The following TCF7L2 variants were observed in gnomAD, a reference collection of about 807,000 sequenced individuals.
The protein encoded by TCF7L2 is transcription factor 7-like 2.
Under a neutral mutation model 77.9 loss-of-function variants are expected in TCF7L2, and 23 were observed. The ratio of observed to expected loss-of-function variants is 0.30; its 90% CI spans 0.21 to 0.42. TCF7L2 has a LOEUF of 0.42. TCF7L2 is among the 10% of genes least tolerant of loss of function. The probability of loss-of-function intolerance (pLI) is 1.00; values close to 1 mark genes in which losing one functional copy is unlikely to be tolerated. For synonymous variants in TCF7L2, 413 were observed against 340.2 expected, an observed-to-expected ratio of 1.21 and a Z score of -2.36; for missense variants, 654 against 793.1, an observed-to-expected ratio of 0.82 and a Z score of 2.11.
intron 4 of TCF7L2, among the ~76,000 whole-genome samples, chr10:113,039,418 G>T (rs567503189): frequency 1.3e-5 from 2 of 152,316 alleles, no homozygotes; most frequent in South Asian, 2.1e-4. Flanking sequence ...TATACATTGT[G>T]TCTGGCCCTG....
chr10:113,030,910 T>G (rs1319315354), intron 4 of TCF7L2, among the ~76,000 whole-genome samples: 1 of 152,194 alleles, frequency 6.6e-6, no homozygotes, highest in African/African-American at 2.4e-5. Context: ...GGGCCTCTTT[T>G]GGTCACTATG....
chr10:113,024,060 G>A (rs540142526), intron 4 of TCF7L2, among the ~76,000 whole-genome samples: 22 of 152,044 alleles, frequency 1.4e-4, no homozygotes, highest in African/African-American at 5.1e-4. Context: ...CACTCTGGGA[G>A]GCCAAGGCGA....
At chr10:113,047,556 T>C (rs898115533) in intron 5 of TCF7L2, among the ~76,000 whole-genome samples, 1 of 152,218 alleles carries the variant, frequency 6.6e-6, no homozygotes, top group Non-Finnish European at 1.5e-5. Context: ...TTTAGGTACC[T>C]TAGCCCCTGA....
intron 5 of TCF7L2, among the ~76,000 whole-genome samples, chr10:113,052,615 GGCTCAGCTGGCCTGATGTATCCCACTTT>G (rs1292790316): frequency 6.6e-6 from 1 of 152,234 alleles, no homozygotes. Context: ...GCTGGACTGT[GGCTCAGCTGGCCTGATGTATCCCACTTT>G]GTTCCTCCCA....
In TCF7L2 at chr10:113,114,929, C is replaced by T. The variant is rs139522156; in HGVS notation, c.553-26255C>T. Among the ~76,000 whole-genome samples, 1,131 of 152,242 alleles carry T rather than the reference C, an allele frequency of 7.4e-3. 6 individuals carry two copies. The highest frequency in any genetic ancestry group is 0.013 in the Non-Finnish European group (864 of 68,016). ...TGAAATGAAAGTAGGAAATAGGTAC[C>T]GTCCAGTAAATCTTAATTAAGTTAT... is the stretch of plus-strand genomic sequence containing the variant. On this transcript the variant is annotated intron_variant, in intron 5 of 13. Transcript: ENST00000627217.
At chr10:113,007,168 G>A (rs961303726) in intron 4 of TCF7L2, among the ~76,000 whole-genome samples, 2 of 152,232 alleles carry the variant, frequency 1.3e-5, no homozygotes, top group African/African-American at 4.8e-5. Flanking sequence ...TGTGAGAGAA[G>A]GATCATGGGG....
chr10:113,023,408 C>T (rs1028918679), intron 4 of TCF7L2, among the ~76,000 whole-genome samples: 1 of 152,116 alleles, frequency 6.6e-6, no homozygotes, highest in African/African-American at 2.4e-5. Context: ...AAGGCAAAGC[C>T]CCTTTTCAAG....
intron 4 of TCF7L2, among the ~76,000 whole-genome samples, chr10:113,017,628 T>G (rs1486893232): frequency 6.6e-6 from 1 of 152,214 alleles, no homozygotes; most frequent in Non-Finnish European, 1.5e-5. Flanking sequence ...AGACACCCTC[T>G]CTGGTCACCG....
chr10:112,978,931 A>T (rs976391621), intron 4 of TCF7L2, among the ~76,000 whole-genome samples: 4 of 152,162 alleles, frequency 2.6e-5, no homozygotes, highest in African/African-American at 9.7e-5. Context: ...TGCTGCACCC[A>T]TTAACTTGTC....
At chr10:113,080,320 G>A (rs2059195301) in intron 5 of TCF7L2, among the ~76,000 whole-genome samples, 1 of 151,650 alleles carries the variant, frequency 6.6e-6, no homozygotes, top group South Asian at 2.1e-4. Context: ...ACATTACAAG[G>A]CAGCTACCAC....
intron 5 of TCF7L2, among the ~76,000 whole-genome samples, chr10:113,120,982 A>G (rs962596783): frequency 3.3e-5 from 5 of 152,218 alleles, no homozygotes; most frequent in South Asian, 2.1e-4. Context: ...AAGGCATGAT[A>G]GATGTCTTCT....
intron 5 of TCF7L2, among the ~76,000 whole-genome samples, chr10:113,081,953 T>G (rs2059354265): frequency 1.3e-5 from 2 of 152,180 alleles, no homozygotes; most frequent in African/African-American, 4.8e-5. Context: ...TTCTCCTGCC[T>G]CAGCCTCCTG....
At chr10:113,112,814 A>C (rs1176304875) in intron 5 of TCF7L2, among the ~76,000 whole-genome samples, 1 of 152,178 alleles carries the variant, frequency 6.6e-6, no homozygotes, top group East Asian at 1.9e-4. Context: ...TTGTGTTTTA[A>C]GCTTATGAGG....
chr10:112,978,254 A>G (rs550998945), intron 4 of TCF7L2, among the ~76,000 whole-genome samples: 1 of 152,240 alleles, frequency 6.6e-6, no homozygotes, highest in South Asian at 2.1e-4. Flanking sequence ...CTCCCTCTCT[A>G]TTTTTTAATA....
chr10:113,006,920 C>T (rs1215857413), intron 4 of TCF7L2, among the ~76,000 whole-genome samples: 2 of 152,238 alleles, frequency 1.3e-5, no homozygotes, highest in African/African-American at 2.4e-5. Flanking sequence ...ACTTCCAGTC[C>T]TGCACCTGCT....
chr10:113,087,265 G>T (rs529728422), intron 5 of TCF7L2, among the ~76,000 whole-genome samples: 1 of 152,324 alleles, frequency 6.6e-6, no homozygotes, highest in South Asian at 2.1e-4. Flanking sequence ...GAAGATAAAG[G>T]AGACCATGTG....
At position 113,165,810 on chromosome 10, in the gene TCF7L2, C is replaced by T. The variant is rs1564995915; in HGVS notation, c.1647C>T (p.Ala549=). Residue 549 remains alanine, a synonymous_variant, in exon 14 of 14, where the codon GCC becomes GCT. Transcript: ENST00000627217. ...CTGAGGCCACCCACAAGGCCTCCGC[C>T]CTCTGTCCCAACGGGGCCCTGGACC... The T allele has an allele frequency of 4.4e-6, 7 of 1,605,038 alleles. No homozygotes were observed. Among genetic ancestry groups the T allele is most frequent in the Admixed American group, 3.4e-5 (2 of 59,140 alleles).
intron 4 of TCF7L2, among the ~76,000 whole-genome samples, chr10:113,024,736 C>T (rs998503637): frequency 2.7e-5 from 4 of 150,894 alleles, no homozygotes; most frequent in African/African-American, 9.8e-5. Flanking sequence ...TCTCCTGCCT[C>T]AGCCTCCTGA....
chr10:113,140,947 T>C (rs1026309619), intron 5 of TCF7L2, among the ~76,000 whole-genome samples: 2 of 152,152 alleles, frequency 1.3e-5, no homozygotes, highest in African/African-American at 4.8e-5. Context: ...GAAGGTATTT[T>C]AAAAGCCAGG....
Sources: allele counts gnomAD v4.1 joint callset (sites outside exome capture counted in the v4.1 genomes callset), GRCh38; gene constraint gnomAD v4.1.1; transcripts MANE v1.5; gene names NCBI Gene and HGNC (gene_info 2026-07-23, HGNC 2026-07-21).